Variants in CCSER1 observed in about 807,000 individuals in gnomAD.
CCSER1 encodes serine-rich coiled-coil domain-containing protein 1.
CCSER1 carries 41 observed loss-of-function variants against 82.0 expected under a neutral mutation model. The observed-to-expected ratio is 0.50, with a 90% CI of 0.39 to 0.65. CCSER1 has a LOEUF of 0.65. CCSER1 is among the 30% of genes least tolerant of loss of function. CCSER1 has a pLI of 0.00. For missense variants in CCSER1, 1,119 were observed against 1,064.2 expected (o/e 1.05, Z -0.72); for synonymous variants, 414 against 383.9 (o/e 1.08, Z -0.92).
intron 5 of CCSER1, among the ~76,000 whole-genome samples, chr4:90,472,731 T>A (rs1268371764): frequency 6.6e-6 from 1 of 152,098 alleles, no homozygotes; most frequent in African/African-American, 2.4e-5. Context: ...GAGTGTACAA[T>A]TTTCAAATAT....
chr4:91,386,728 G>A lies in CCSER1; in HGVS notation c.2218-211844G>A, dbSNP rs941905271. ...AATGAAAGCAATGAACTTTGTTTCT[G>A]CATGTGACAGCCTACAAAGCACACA... is the stretch of plus-strand genomic sequence containing the variant. On this transcript the variant is annotated intron_variant, in intron 10 of 10. Coordinates refer to ENST00000509176, the MANE Select transcript of CCSER1 (RefSeq NM_001145065.2). 3.3e-5 allele frequency among the ~76,000 whole-genome samples: 5 copies of A among 152,140 alleles called. No homozygotes were observed. In the East Asian group the frequency reaches 9.6e-4, roughly 29 times the overall value.
intron 9 of CCSER1, among the ~76,000 whole-genome samples, chr4:90,924,047 T>C (rs1029559040): frequency 1.3e-5 from 2 of 152,202 alleles, no homozygotes; most frequent in African/African-American, 2.4e-5. Context: ...AACATTGATA[T>C]AAATGCTCAT....
At chr4:91,246,823 C>CACAT (rs1553916501) in intron 10 of CCSER1, among the ~76,000 whole-genome samples, 1 of 124,624 alleles carries the variant, frequency 8.0e-6, no homozygotes, top group Non-Finnish European at 1.7e-5. Flanking sequence ...CACACATACA[C>CACAT]ACATACACAC....
At chr4:90,423,329 G>A (rs1757006527) in intron 4 of CCSER1, among the ~76,000 whole-genome samples, 2 of 152,048 alleles carry the variant, frequency 1.3e-5, no homozygotes, top group African/African-American at 2.4e-5. Flanking sequence ...GGGTTCAAAC[G>A]ATTCCCCTGC....
Position 90,673,618 on chromosome 4 carries a change from A to G in CCSER1, c.1932+45386A>G, listed in dbSNP as rs546016060. On this transcript the variant is annotated intron_variant, in intron 6 of 10. Transcript: ENST00000509176. ...AGGTAAATATAATTAAAAACAAAATACTCTCCCAACCTAGAAATCCTCTCC... is the reference window on the plus strand; with the variant it reads ...AGGTAAATATAATTAAAAACAAAATGCTCTCCCAACCTAGAAATCCTCTCC... Among the ~76,000 whole-genome samples the G allele has an allele frequency of 6.6e-5, 10 of 152,002 alleles. No individual in the cohort carries two copies. The South Asian group carries it at 1.9e-3, about 28-fold the overall frequency.
chr4:90,670,706 A>T (rs1221470189), intron 6 of CCSER1, among the ~76,000 whole-genome samples: 1 of 152,074 alleles, frequency 6.6e-6, no homozygotes, highest in African/African-American at 2.4e-5. Flanking sequence ...GACCATAGAC[A>T]TATTTAATTT....
chr4:91,366,277 T>A (rs1749609921), intron 10 of CCSER1, among the ~76,000 whole-genome samples: 1 of 152,212 alleles, frequency 6.6e-6, no homozygotes, highest in South Asian at 2.1e-4. Flanking sequence ...CGCCTCGGCC[T>A]CCCAAAGTGC....
intron 3 of CCSER1, among the ~76,000 whole-genome samples, chr4:90,386,237 G>A (rs547407534): frequency 1.1e-4 from 17 of 152,248 alleles, no homozygotes; most frequent in African/African-American, 2.9e-4. Context: ...TGGAGGCATC[G>A]CATTACCTTC....
chr4:91,045,145 G>T (rs1479472277), intron 9 of CCSER1, among the ~76,000 whole-genome samples: 2 of 152,072 alleles, frequency 1.3e-5, no homozygotes, highest in African/African-American at 4.8e-5. Context: ...ACCTATGTGG[G>T]TATTCACACT....
chr4:90,956,892 C>T (rs941558599), intron 9 of CCSER1, among the ~76,000 whole-genome samples: 17 of 149,844 alleles, frequency 1.1e-4, no homozygotes, highest in African/African-American at 4.2e-4. Flanking sequence ...CTGCATCAGC[C>T]CCCTGAGTAG....
chr4:90,876,076 A>C (rs1767164748), intron 8 of CCSER1, among the ~76,000 whole-genome samples: 2 of 152,098 alleles, frequency 1.3e-5, no homozygotes, highest in South Asian at 4.1e-4. Flanking sequence ...AACTTCATTA[A>C]ATCTGCAAAG....
chr4:91,229,637 A>G (rs1456711197), intron 10 of CCSER1, among the ~76,000 whole-genome samples: 1 of 152,176 alleles, frequency 6.6e-6, no homozygotes, highest in Non-Finnish European at 1.5e-5. Context: ...CATATACACC[A>G]TGGAATACTA....
intron 10 of CCSER1, among the ~76,000 whole-genome samples, chr4:91,496,168 G>A (rs1051345803): frequency 1.5e-4 from 22 of 151,310 alleles, no homozygotes; most frequent in African/African-American, 5.1e-4. Context: ...CAGTACCTCA[G>A]ACATTTTTAT....
At chr4:90,698,937 T>C (rs1737499706) in intron 6 of CCSER1, among the ~76,000 whole-genome samples, 3 of 152,134 alleles carry the variant, frequency 2.0e-5, no homozygotes, top group Admixed American at 1.3e-4. Context: ...GGACTCCATC[T>C]CTACAAATAA....
chr4:90,557,730 C>T (rs1358111317), intron 5 of CCSER1, among the ~76,000 whole-genome samples: 1 of 152,060 alleles, frequency 6.6e-6, no homozygotes, highest in Non-Finnish European at 1.5e-5. Flanking sequence ...GTCTAGCAAA[C>T]TCTGAAGGTG....
chr4:90,154,282 C>T (rs1039609599), intron 1 of CCSER1, among the ~76,000 whole-genome samples: 2 of 152,192 alleles, frequency 1.3e-5, no homozygotes, highest in African/African-American at 2.4e-5. Flanking sequence ...GTTACTGTAG[C>T]CTTGTAGTAT....
chr4:91,404,119 T>G (rs961276085), intron 10 of CCSER1, among the ~76,000 whole-genome samples: 2 of 152,174 alleles, frequency 1.3e-5, no homozygotes, highest in Non-Finnish European at 2.9e-5. Context: ...CCTGGTTTAA[T>G]CTTGGGAGGG....
Position 91,604,631 on chromosome 4 carries a change from G to A in CCSER1, c.*5574G>A, listed in dbSNP as rs543824682. 2 of 151,960 alleles carry A rather than the reference G, an allele frequency of 1.3e-5. No homozygotes were observed. Among genetic ancestry groups the A allele is most frequent in the East Asian group, 3.9e-4 (2 of 5,164 alleles). The allele number at this position is 151,960 out of a possible 1,614,324, so 9.4% of individuals were successfully genotyped here. ...GATTGTCTTATATCTTTCCTTCATA[G>A]GACATTGATACAGACATCATCAAAT... On this transcript the variant is annotated 3_prime_UTR_variant, in exon 11 of 11. Coordinates refer to ENST00000509176, the MANE Select transcript of CCSER1 (RefSeq NM_001145065.2).
intron 4 of CCSER1, among the ~76,000 whole-genome samples, chr4:90,453,399 G>T (rs1483793035): frequency 6.6e-6 from 1 of 152,156 alleles, no homozygotes; most frequent in Non-Finnish European, 1.5e-5. Context: ...TATTACAAGG[G>T]TTGTTACAGG....
Sources: gnomAD v4.1 joint callset for allele counts (sites outside exome capture counted in the v4.1 genomes callset) on GRCh38, gnomAD v4.1.1 for gene constraint, MANE v1.5 for transcripts, NCBI Gene and HGNC (gene_info 2026-07-23, HGNC 2026-07-21) for gene names.